The following ANKRD30B variants were observed in gnomAD, a reference collection of about 807,000 sequenced individuals.
ANKRD30B encodes ankyrin repeat domain 30B, also known as ankyrin repeat domain-containing protein 30B.
In ANKRD30B, 144 loss-of-function variants were observed where a neutral mutation model predicts 202.2. That is an observed-to-expected ratio of 0.71 (90% confidence interval 0.62 to 0.82). ANKRD30B has a LOEUF of 0.82. Among genes scored for constraint, ANKRD30B ranks in the 40% least tolerant of loss-of-function variants. ANKRD30B has a pLI of 0.00. For synonymous variants in ANKRD30B, 508 were observed against 561.3 expected (o/e 0.91, Z 1.34); for missense variants, 1,487 against 1,669.1 (o/e 0.89, Z 1.90).
the ANKRD30B span, among the ~76,000 whole-genome samples, chr18:14,938,775 C>T: frequency 6.6e-6 from 1 of 152,166 alleles, no homozygotes; most frequent in African/African-American, 2.4e-5. Context: ...ATGCTCACCT[C>T]CTGTTATTAG....
At chr18:14,769,539 T>C (rs1248371430) in intron 8 of ANKRD30B, among the ~76,000 whole-genome samples, 166 bp downstream of exon 8, 1 of 152,228 alleles carries the variant, frequency 6.6e-6, no homozygotes. Context: ...TCTGTGCTAC[T>C]GTCACATACT....
At chr18:14,750,262 T>C (rs932665087) in intron 1 of ANKRD30B, among the ~76,000 whole-genome samples, 1 of 152,170 alleles carries the variant, frequency 6.6e-6, no homozygotes, top group Admixed American at 6.5e-5. Flanking sequence ...TAATTTAAAA[T>C]TGGGCAATTT....
the ANKRD30B span, among the ~76,000 whole-genome samples, chr18:14,917,722 C>A: frequency 6.6e-6 from 1 of 152,234 alleles, no homozygotes; most frequent in African/African-American, 2.4e-5. Context: ...GGGATGAGAC[C>A]TGGCACAGCA....
In ANKRD30B at chr18:14,796,214, C is replaced by T. The variant is rs775847345; in HGVS notation, c.1826-7C>T. ...ATAATCAATTATATATGTCCCTTTA[C>T]GTTTAGAGTCTCCTGTTAAAGATGG... On this transcript the variant is annotated splice_region_variant and splice_polypyrimidine_tract_variant and intron_variant, in intron 16 of 43. Transcript: ENST00000690538. 4.4e-6 allele frequency: 7 copies of T among 1,593,866 alleles called. No individual in the cohort carries two copies. Among genetic ancestry groups the T allele is most frequent in the East Asian group, 4.5e-5 (2 of 44,694 alleles).
Position 14,772,199 on chromosome 18 carries a change from G to T in ANKRD30B, c.1300G>T (p.Val434Phe). Residue 434 changes from valine to phenylalanine, a missense_variant, in exon 9 of 44, where the codon GTT becomes TTT. Physicochemically the swap from Val to Phe is conservative, Grantham distance 50. Coordinates refer to ENST00000690538, the MANE Select transcript of ANKRD30B (RefSeq NM_001367607.2). Reference protein sequence around the residue: ...RTIENSQCTKVEEDFNLATKI... With the variant: ...RTIENSQCTKFEEDFNLATKI... ...TATTGAAAATTCACAGTGTACAAAA[G>T]TTGAGGAAGACTTTAATCTTGCTAC... 1 of 1,508,216 alleles carries T rather than the reference G, an allele frequency of 6.6e-7. No homozygotes were observed. The highest frequency in any genetic ancestry group is 8.9e-7 in the Non-Finnish European group (1 of 1,122,224). 93.4% of individuals were successfully genotyped at this position (1,508,216 alleles called of 1,614,324 possible).
At chr18:14,790,964 TG>T (rs1199678546) in intron 15 of ANKRD30B, among the ~76,000 whole-genome samples, 1 of 152,206 alleles carries the variant, frequency 6.6e-6, no homozygotes, top group African/African-American at 2.4e-5. Context: ...TCAGAACGAA[TG>T]GTACCAGTTC....
At chr18:14,918,066 G>A in the ANKRD30B span, among the ~76,000 whole-genome samples, 10 of 152,128 alleles carry the variant, frequency 6.6e-5, no homozygotes, top group South Asian at 2.1e-4. Flanking sequence ...AGAAGAAAGC[G>A]GGGTGTGGAT....
intron 16 of ANKRD30B, among the ~76,000 whole-genome samples, chr18:14,792,633 T>C (rs190664652): frequency 0.015 from 2,250 of 151,854 alleles, 59 homozygotes; most frequent in African/African-American, 0.052. Context: ...AATGTTAGAG[T>C]GTGGGTGCTC....
At chr18:14,929,498 T>G in the ANKRD30B span, among the ~76,000 whole-genome samples, 2 of 152,180 alleles carry the variant, frequency 1.3e-5, no homozygotes, top group Non-Finnish European at 2.9e-5. Context: ...CCACTGCTCT[T>G]TTTTGAAAAA....
intron 42 of ANKRD30B, 135 bp downstream of exon 42, chr18:14,852,555 C>G: frequency 6.0e-6 from 7 of 1,161,562 alleles, no homozygotes; most frequent in Non-Finnish European, 6.7e-6. Context: ...TAGAAACATG[C>G]CTCATTTCCA....
the ANKRD30B span, chr18:14,905,866 A>T: frequency 6.6e-6 from 1 of 152,184 alleles, no homozygotes; most frequent in African/African-American, 2.4e-5. Context: ...AGGGATGTCT[A>T]TTTTAATGTT....
intron 10 of ANKRD30B, among the ~76,000 whole-genome samples, chr18:14,779,048 G>A (rs182974288): frequency 1.3e-5 from 2 of 152,282 alleles, no homozygotes; most frequent in Admixed American, 6.5e-5. Flanking sequence ...GACTACAGAC[G>A]TAGACATTAT....
At chr18:14,810,066 T>A in intron 27 of ANKRD30B, 42 bp from the exon 28 acceptor site, 1 of 1,463,592 alleles carries the variant, frequency 6.8e-7, no homozygotes, top group South Asian at 1.2e-5. Flanking sequence ...TTTTATGAAG[T>A]ATACATTATC....
At chr18:14,798,115 G>T (rs1329829311) in intron 20 of ANKRD30B, among the ~76,000 whole-genome samples, 2 of 152,140 alleles carry the variant, frequency 1.3e-5, no homozygotes, top group African/African-American at 4.8e-5. Flanking sequence ...TTTGTTCCCA[G>T]GTGGATCAGC....
chr18:14,791,300 G>A (rs1194153045), intron 15 of ANKRD30B, 101 bp from the exon 16 acceptor site: 2 of 971,040 alleles, frequency 2.1e-6, no homozygotes, highest in South Asian at 3.0e-5. Context: ...TTGCAAACTA[G>A]GAAATTGTGT....
chr18:14,802,015 GATATA>G (rs1221874726), intron 22 of ANKRD30B, among the ~76,000 whole-genome samples, 197 bp from the exon 23 acceptor site: 1 of 32 alleles, frequency 0.031, no homozygotes, highest in African/African-American at 0.071. Context: ...TCTAACGAAT[GATATA>G]ATGTTAATTT....
intron 33 of ANKRD30B, among the ~76,000 whole-genome samples, chr18:14,829,347 C>G (rs973663785): frequency 9.2e-5 from 14 of 152,136 alleles, no homozygotes; most frequent in African/African-American, 2.4e-4. Flanking sequence ...TATTTAAACT[C>G]ATTTCAAAGC....
At chr18:14,788,942 T>C (rs1349035076) in intron 15 of ANKRD30B, among the ~76,000 whole-genome samples, 2 of 152,214 alleles carry the variant, frequency 1.3e-5, no homozygotes, top group Admixed American at 6.5e-5. Context: ...ATGCTATTTC[T>C]AGTTCTAGAT....
At chr18:14,830,964 C>T (rs1405237269) in intron 33 of ANKRD30B, among the ~76,000 whole-genome samples, 8 of 151,708 alleles carry the variant, frequency 5.3e-5, no homozygotes, top group African/African-American at 7.3e-5. Context: ...GGGCAGATCA[C>T]GAGGTCAGGA....
Sources: gnomAD v4.1 joint callset for allele counts (sites outside exome capture counted in the v4.1 genomes callset) on GRCh38, gnomAD v4.1.1 for gene constraint, MANE v1.5 for transcripts, NCBI Gene and HGNC (gene_info 2026-07-23, HGNC 2026-07-21) for gene names.